The following TFDP2 variants were observed in gnomAD, a reference collection of about 807,000 sequenced individuals.
The protein encoded by TFDP2 is transcription factor Dp-2 (E2F dimerization partner 2).
In TFDP2, 17 loss-of-function variants were observed where a neutral mutation model predicts 59.3. That is an observed-to-expected ratio of 0.29 (90% confidence interval 0.20 to 0.43). The LOEUF is 0.43. Among genes scored for constraint, TFDP2 ranks in the 20% least tolerant of loss-of-function variants. The pLI, the probability that TFDP2 is intolerant of heterozygous loss-of-function variation, is 1.00. For synonymous variants in TFDP2, 180 were observed against 194.7 expected, an observed-to-expected ratio of 0.92 and a Z score of 0.63; for missense variants, 391 against 528.8, an observed-to-expected ratio of 0.74 and a Z score of 2.56.
intron 11 of TFDP2, among the ~76,000 whole-genome samples, chr3:141,958,947 C>CTTTTTTTTT: frequency 9.6e-6 from 1 of 103,684 alleles, no homozygotes; most frequent in Non-Finnish European, 1.9e-5. Flanking sequence ...GATGTACCTA[C>CTTTTTTTTT]TTTTTTTTTT....
At chr3:141,961,261 T>TTA (rs869174927) in intron 10 of TFDP2, among the ~76,000 whole-genome samples, 2 of 141,708 alleles carry the variant, frequency 1.4e-5, no homozygotes, top group Non-Finnish European at 3.1e-5. Flanking sequence ...TTTTTTTTTT[T>TTA]GAGACAGAGT....
chr3:142,044,226 GTTTTTTTTTTT>G (rs142598439), intron 3 of TFDP2: 2 of 118,302 alleles, frequency 1.7e-5, no homozygotes, highest in Non-Finnish European at 2.9e-5. Flanking sequence ...CAGCAAAAGG[GTTTTTTTTTTT>G]TTTTTTTTTT....
At chr3:142,073,758 A>T (rs549740521) in intron 3 of TFDP2, among the ~76,000 whole-genome samples, 24 of 152,248 alleles carry the variant, frequency 1.6e-4, no homozygotes, top group Non-Finnish European at 2.8e-4. Context: ...ACAAAATCAT[A>T]AAACCATCAC....
At chr3:142,024,583 A>G (rs16852046) in intron 3 of TFDP2, among the ~76,000 whole-genome samples, 6,372 of 152,164 alleles carry the variant, frequency 0.042, 452 homozygotes, top group African/African-American at 0.14. Flanking sequence ...TAAATCATTG[A>G]CCTCTCTGGG....
At chr3:142,082,231 G>T (rs1409773309) in intron 3 of TFDP2, among the ~76,000 whole-genome samples, 1 of 152,162 alleles carries the variant, frequency 6.6e-6, no homozygotes, top group Non-Finnish European at 1.5e-5. Context: ...ATCTGTCACT[G>T]ACTCCCGTCA....
Position 142,040,429 on chromosome 3 carries a change from A to ATTT in TFDP2, c.83-34888_83-34886dup, listed in dbSNP as rs11435655. The stretch of plus-strand genomic sequence containing the variant: ...ACGTAGCAAAACACTATCTCTACAA[A>ATTT]TTTTTTTTTTTTTTTGAGACGGAGT... On this transcript the variant is annotated intron_variant, in intron 3 of 12. Coordinates refer to ENST00000489671, the MANE Select transcript of TFDP2 (RefSeq NM_001178139.2). Among the ~76,000 whole-genome samples, 14 of 146,104 alleles carry ATTT rather than the reference A, an allele frequency of 9.6e-5. No individual in the cohort carries two copies. The East Asian group carries it at 1.6e-3, about 17-fold the overall frequency.
intron 1 of TFDP2, among the ~76,000 whole-genome samples, chr3:142,144,273 T>C (rs1403175514): frequency 1.1e-4 from 17 of 151,202 alleles, no homozygotes; most frequent in African/African-American, 2.2e-4. Flanking sequence ...ACTTGGGAGG[T>C]TGAGGCACAA....
chr3:141,994,823 T>G (rs1202973277), intron 5 of TFDP2, 197 bp downstream of exon 5: 1 of 446,680 alleles, frequency 2.2e-6, no homozygotes, highest in Non-Finnish European at 3.9e-6. Context: ...TATTGCACTG[T>G]TTTTTTCTGT....
intron 3 of TFDP2, chr3:142,054,284 A>G (rs142459691): frequency 1.0e-3 from 156 of 152,364 alleles, no homozygotes; most frequent in African/African-American, 3.4e-3. Context: ...ATGGTGGTAT[A>G]TCATATAATA....
chr3:142,084,877 C>CA (rs374592898), intron 3 of TFDP2, among the ~76,000 whole-genome samples: 35 of 147,294 alleles, frequency 2.4e-4, no homozygotes, highest in South Asian at 1.7e-3. Context: ...TTAACGAGTA[C>CA]AAAAAAAAAC....
At chr3:142,119,814 G>GGATT (rs2061976122) in intron 1 of TFDP2, among the ~76,000 whole-genome samples, 2 of 152,220 alleles carry the variant, frequency 1.3e-5, no homozygotes, top group Non-Finnish European at 2.9e-5. Context: ...ATTTTGGGAG[G>GGATT]CCAAGGCAGG....
chr3:142,001,382 A>G (rs970791361), intron 4 of TFDP2, among the ~76,000 whole-genome samples: 2 of 152,118 alleles, frequency 1.3e-5, no homozygotes, highest in African/African-American at 4.8e-5. Context: ...CCAGGAAGGG[A>G]TTGCCAGGGT....
chr3:142,140,979 A>G (rs1226571360), intron 1 of TFDP2, among the ~76,000 whole-genome samples: 1 of 152,184 alleles, frequency 6.6e-6, no homozygotes, highest in Non-Finnish European at 1.5e-5. Context: ...ACAGAGGTGG[A>G]GTCTATAGAG....
chr3:141,995,191 C>G (rs1943151626), intron 4 of TFDP2, 50 bp from the exon 5 acceptor site: 1 of 1,428,312 alleles, frequency 7.0e-7, no homozygotes, highest in Admixed American at 2.3e-5. Flanking sequence ...TTAAGAAAAG[C>G]CTACAGGCAG....
chr3:142,130,319 A>C (rs556690148), intron 1 of TFDP2, among the ~76,000 whole-genome samples: 77 of 152,110 alleles, frequency 5.1e-4, no homozygotes, highest in Non-Finnish European at 9.4e-4. Context: ...GACATTATGC[A>C]AAGTGAAATA....
intron 3 of TFDP2, among the ~76,000 whole-genome samples, chr3:142,055,415 T>C (rs1412985792): frequency 6.6e-6 from 1 of 152,218 alleles, no homozygotes; most frequent in Non-Finnish European, 1.5e-5. Flanking sequence ...GTACCTACCA[T>C]GTGCCAAAAA....
At chr3:141,998,650 G>T (rs1288603146) in intron 4 of TFDP2, among the ~76,000 whole-genome samples, 2 of 151,976 alleles carry the variant, frequency 1.3e-5, no homozygotes, top group Non-Finnish European at 2.9e-5. Context: ...ACTGAAGTTG[G>T]AGGTAAAAAT....
At chr3:141,973,123 A>ATATATATATTTTTTTTTT in intron 8 of TFDP2, among the ~76,000 whole-genome samples, 122 of 57,954 alleles carry the variant, frequency 2.1e-3, no homozygotes, top group Non-Finnish European at 3.9e-3. Context: ...ATATATATAT[A>ATATATATATTTTTTTTTT]TTTTTTTTTT....
intron 9 of TFDP2, 143 bp downstream of exon 9, chr3:141,969,930 A>G (rs2107990356): frequency 2.6e-6 from 2 of 757,910 alleles, no homozygotes; most frequent in East Asian, 5.0e-5. Flanking sequence ...GTGGATGGCA[A>G]CAAGCTAGGA....
Sources: allele counts gnomAD v4.1 joint callset (sites outside exome capture counted in the v4.1 genomes callset), GRCh38; gene constraint gnomAD v4.1.1; transcripts MANE v1.5; gene names NCBI Gene and HGNC (gene_info 2026-07-23, HGNC 2026-07-21).